The following AOPEP variants were observed in gnomAD, a reference collection of about 807,000 sequenced individuals.
AOPEP encodes the protein aminopeptidase O (putative).
In AOPEP, 77 loss-of-function variants were observed where a neutral mutation model predicts 98.1. That is an observed-to-expected ratio of 0.78 (90% CI 0.65 to 0.95). The LOEUF (loss-of-function observed/expected upper bound fraction) is 0.95, where lower values mean the gene tolerates loss of function less well. Ranked by LOEUF, AOPEP falls within the 40% of genes least tolerant of loss-of-function variation. The pLI is 0.00. For synonymous variants in AOPEP, 346 were observed against 365.3 expected, an observed-to-expected ratio of 0.95 and a Z score of 0.60; for missense variants, 1,024 against 1,024.7, an observed-to-expected ratio of 1.00 and a Z score of 0.01.
At chr9:94,941,530 T>C (rs1383429325) in intron 7 of AOPEP, among the ~76,000 whole-genome samples, 1 of 152,250 alleles carries the variant, frequency 6.6e-6, no homozygotes, top group Non-Finnish European at 1.5e-5. Context: ...TAGCCAGAAA[T>C]GGACTCTGCC....
chr9:95,136,827 T>C, the AOPEP span, among the ~76,000 whole-genome samples: 2 of 152,090 alleles, frequency 1.3e-5, no homozygotes, highest in Non-Finnish European at 1.5e-5. Context: ...TAAAGGAACA[T>C]ATATTAAGGT....
At chr9:94,801,060 G>A (rs1848113284) in intron 5 of AOPEP, 58 bp downstream of exon 5, 6 of 1,591,468 alleles carry the variant, frequency 3.8e-6, no homozygotes, top group Non-Finnish European at 5.2e-6. Context: ...CTTTGACTAT[G>A]TCTTGCTTTC....
rs150231136 is a variant in AOPEP at position 94,997,544 on chromosome 9, T to A, written c.1978-7614T>A. Among the ~76,000 whole-genome samples, 25 of 152,310 alleles carry A rather than the reference T, an allele frequency of 1.6e-4. No individual in the cohort carries two copies. The East Asian group carries it at 4.8e-3, about 29-fold the overall frequency. On this transcript the variant is annotated intron_variant, in intron 11 of 16. Coordinates refer to ENST00000375315, the MANE Select transcript of AOPEP (RefSeq NM_001193329.3). The stretch of plus-strand genomic sequence containing the variant: ...GGGGTGGAGGTGCTTCAGAAATGAC[T>A]GATGTCTGGGTCCCACTCTCAGAGA...
chr9:95,093,995 G>C, the AOPEP span, among the ~76,000 whole-genome samples: 4 of 152,230 alleles, frequency 2.6e-5, no homozygotes, highest in Non-Finnish European at 5.9e-5. Flanking sequence ...TCAAGGGTAA[G>C]AGTGTGCACT....
intron 5 of AOPEP, among the ~76,000 whole-genome samples, chr9:94,827,304 G>C (rs1039458835): frequency 5.3e-5 from 8 of 152,168 alleles, no homozygotes; most frequent in Non-Finnish European, 1.0e-4. Context: ...ACTCTGTAAA[G>C]TAAGTTTTTA....
At chr9:94,932,141 TA>T (rs2055427584) in intron 7 of AOPEP, 1 of 1,006,518 alleles carries the variant, frequency 9.9e-7, no homozygotes, top group Non-Finnish European at 1.2e-6. Context: ...TTAAAACAAA[TA>T]AAAAAACAAA....
chr9:95,039,428 C>G (rs535876737), intron 13 of AOPEP, among the ~76,000 whole-genome samples: 20 of 152,112 alleles, frequency 1.3e-4, no homozygotes, highest in South Asian at 4.1e-4. Context: ...AAAAATGATG[C>G]AAGTGTGATG....
chr9:94,983,421 G>GC (rs1427460239), intron 11 of AOPEP, among the ~76,000 whole-genome samples: 1 of 152,068 alleles, frequency 6.6e-6, no homozygotes, highest in Non-Finnish European at 1.5e-5. Flanking sequence ...TTCTTTCCTA[G>GC]CACCTCTGCC....
At chr9:94,752,258 T>C (rs1407599377) in intron 1 of AOPEP, among the ~76,000 whole-genome samples, 3 of 152,086 alleles carry the variant, frequency 2.0e-5, no homozygotes, top group African/African-American at 7.2e-5. Context: ...GTCTGTGGGC[T>C]TCTGGCCAAT....
At chr9:94,963,896 A>G (rs1440490395) in intron 9 of AOPEP, among the ~76,000 whole-genome samples, 3 of 152,218 alleles carry the variant, frequency 2.0e-5, no homozygotes, top group Non-Finnish European at 4.4e-5. Flanking sequence ...GAAAGTGGAA[A>G]AAGCTTCTGT....
the AOPEP span, among the ~76,000 whole-genome samples, chr9:95,118,831 G>C: frequency 2.6e-5 from 4 of 152,162 alleles, no homozygotes; most frequent in African/African-American, 9.7e-5. Context: ...ATGTGCATTT[G>C]GGCTGCTTCC....
At chr9:94,979,531 T>C in intron 11 of AOPEP, 104 bp downstream of exon 11, 1 of 724,310 alleles carries the variant, frequency 1.4e-6, no homozygotes, top group Non-Finnish European at 2.5e-6. Context: ...TGTAGGAAAG[T>C]AATTATCTTA....
downstream of AOPEP, among the ~76,000 whole-genome samples, chr9:95,088,471 A>G (rs939869662): frequency 6.6e-6 from 1 of 151,880 alleles, no homozygotes; most frequent in Admixed American, 6.6e-5. Context: ...GGCCTCCCAA[A>G]GTGCCGGGAT....
intron 11 of AOPEP, among the ~76,000 whole-genome samples, chr9:95,003,179 CGTGT>C (rs1491213622): frequency 1.3e-5 from 2 of 150,680 alleles, no homozygotes; most frequent in African/African-American, 2.5e-5. Flanking sequence ...CGCGCGCGCG[CGTGT>C]GTGACTGCAA....
rs1045906057 is a variant in AOPEP, at chr9:94,819,602, T to G, written c.1364+18600T>G. 3.4e-4 allele frequency among the ~76,000 whole-genome samples: 51 copies of G among 152,172 alleles called. 1 individual carries two copies. Among genetic ancestry groups the G allele is most frequent in the African/African-American group, 1.2e-3 (49 of 41,440 alleles). ...TTATTGTTTAGTTTTAGGGATAGGATCTCACTCTGTCACCCAGGCTGGAGT... is the reference window on the plus strand; with the variant it reads ...TTATTGTTTAGTTTTAGGGATAGGAGCTCACTCTGTCACCCAGGCTGGAGT... On this transcript the variant is annotated intron_variant, in intron 5 of 16. Transcript: ENST00000375315.
chr9:95,147,013 TTAGA>T, the AOPEP span, among the ~76,000 whole-genome samples: 3 of 150,786 alleles, frequency 2.0e-5, no homozygotes, highest in South Asian at 6.2e-4. Flanking sequence ...GATAATTTTA[TTAGA>T]TATATATTTG....
chr9:94,843,438 G>A (rs889539784), intron 5 of AOPEP, among the ~76,000 whole-genome samples: 7 of 152,142 alleles, frequency 4.6e-5, no homozygotes, highest in African/African-American at 1.7e-4. Context: ...AGTTTGCTGG[G>A]TCTGTGTCAG....
At chr9:94,762,462 A>G (rs1338579684) in intron 2 of AOPEP, among the ~76,000 whole-genome samples, 1 of 151,864 alleles carries the variant, frequency 6.6e-6, no homozygotes, top group Non-Finnish European at 1.5e-5. Context: ...GAAAAAAAAA[A>G]AAAAGAAATT....
chr9:95,052,713 A>G (rs1301443012), intron 13 of AOPEP, among the ~76,000 whole-genome samples: 1 of 152,248 alleles, frequency 6.6e-6, no homozygotes, highest in Non-Finnish European at 1.5e-5. Flanking sequence ...GGAGTAATAT[A>G]GGAAGTTATA....
Sources: gnomAD v4.1 joint callset for allele counts (sites outside exome capture counted in the v4.1 genomes callset) on GRCh38, gnomAD v4.1.1 for gene constraint, MANE v1.5 for transcripts, NCBI Gene and HGNC (gene_info 2026-07-23, HGNC 2026-07-21) for gene names.